The following DBN1 variants were observed in gnomAD, a reference collection of about 807,000 sequenced individuals.
DBN1 encodes the protein drebrin.
In DBN1, 21 loss-of-function variants were observed where a neutral mutation model predicts 83.5. That is an observed-to-expected ratio of 0.25 (90% CI 0.18 to 0.36). DBN1 has a LOEUF of 0.36. DBN1 is among the 10% of genes least tolerant of loss of function. The pLI is 1.00. For missense variants in DBN1, 874 were observed against 935.7 expected (o/e 0.93, Z 0.86); for synonymous variants, 381 against 384.9 (o/e 0.99, Z 0.12).
intron 1 of DBN1, 152 bp downstream of exon 1, chr5:177,473,284 C>T: frequency 2.6e-6 from 1 of 383,748 alleles, no homozygotes; most frequent in Non-Finnish European, 4.4e-6. Flanking sequence ...CCCCGGCGCG[C>T]ACAAAGGCAG....
chr5:177,460,528 G>A lies in DBN1; in HGVS notation c.859C>T (p.Pro287Ser), dbSNP rs1756947306. Residue 287 changes from proline (P) to serine (S), a missense_variant, in exon 10 of 15, where the codon CCT (proline) becomes TCT (serine). By Grantham distance (74) the Pro-to-Ser change is moderately conservative. Transcript: ENST00000393565. ...TTGAAGAACTCCCTTGGGTTGTCAG[G>A]CCGCTGGGCAATAATAGCTGCTGCC... ...EEAAAIIAQRPDNPREFFKQQ... is the reference protein window; with the variant it reads ...EEAAAIIAQRSDNPREFFKQQ... 6.2e-7 allele frequency: 1 copy of A among 1,614,074 alleles called. No individual in the cohort carries two copies.
chr5:177,457,935 TC>T, intron 13 of DBN1, 122 bp downstream of exon 13: 2 of 1,425,640 alleles, frequency 1.4e-6, no homozygotes, highest in Non-Finnish European at 2.0e-6. Context: ...GGGATGGACT[TC>T]CCCTCAAATA....
chr5:177,468,781 G>A (rs956036054), intron 2 of DBN1, 63 bp downstream of exon 2: 2 of 1,172,892 alleles, frequency 1.7e-6, no homozygotes, highest in African/African-American at 1.6e-5. Flanking sequence ...CAGGTGGGTG[G>A]GGAAGAAAAC....
At chr5:177,460,375 G>C in intron 10 of DBN1, 57 bp downstream of exon 10, 1 of 1,610,394 alleles carries the variant, frequency 6.2e-7, no homozygotes, top group Non-Finnish European at 8.5e-7. Context: ...GTCCCAGAGA[G>C]GCTCAGGGCC....
intron 8 of DBN1, among the ~76,000 whole-genome samples, chr5:177,465,187 C>T (rs1231966085): frequency 6.6e-6 from 1 of 152,132 alleles, no homozygotes; most frequent in East Asian, 1.9e-4. Flanking sequence ...TTTTAAAAAA[C>T]CTCACTCTGA....
Position 177,467,170 on chromosome 5 carries a change from C to T in DBN1, c.555+85G>A. ...CTGGGGGCGGGGCACGTGGCATGGG[C>T]CATGCCACTGCAGTGAGGGACTCAG... On this transcript the variant is annotated intron_variant, in intron 6 of 14. Transcript: ENST00000393565. The surrounding 1 kb of genome is among the most constrained non-coding windows in gnomAD (Gnocchi z 9.1). 1 of 1,606,028 alleles carries T rather than the reference C, an allele frequency of 6.2e-7. No homozygotes were observed. The highest frequency in any genetic ancestry group is 8.5e-7 in the Non-Finnish European group (1 of 1,173,640).
chr5:177,467,706 G>A lies in DBN1; in HGVS notation c.330+37C>T. ...CCCCAGCACGCAGACCCTGGTGGCT[G>A]TCCCCACCCCCAAGAGCGCTGGCCC... On this transcript the variant is annotated intron_variant, in intron 4 of 14. Transcript: ENST00000393565. This position sits in a 1 kb window ranked among gnomAD's most constrained non-coding sequence, Gnocchi z 9.1. 6.4e-7 allele frequency: 1 copy of A among 1,552,456 alleles called. No homozygotes were observed. Among genetic ancestry groups the A allele is most frequent in the Non-Finnish European group, 8.7e-7 (1 of 1,147,764 alleles).
At chr5:177,460,732 C>T (rs1756967502) in intron 8 of DBN1, 29 bp from the exon 9 acceptor site, 1 of 1,610,312 alleles carries the variant, frequency 6.2e-7, no homozygotes, top group Admixed American at 1.7e-5. Flanking sequence ...GTGTCTGGTG[C>T]ACCTACCCCC....
In DBN1 at chr5:177,467,347, G is replaced by A. The variant is rs754205461; in HGVS notation, c.478-15C>T. On this transcript the variant is annotated splice_polypyrimidine_tract_variant and intron_variant, in intron 5 of 14. Coordinates refer to ENST00000393565, the MANE Select transcript of DBN1 (RefSeq NM_001363541.2). This position sits in a 1 kb window ranked among gnomAD's most constrained non-coding sequence, Gnocchi z 9.1. ...TAGGTGGTGCCCTGCAGTGTCGAAG[G>A]ACCCAGCATAAGCAGGCTGAATGCC... is the stretch of plus-strand genomic sequence containing the variant. 3.1e-6 allele frequency: 5 copies of A among 1,613,994 alleles called. No individual in the cohort carries two copies. Among genetic ancestry groups the A allele is most frequent in the Non-Finnish European group, 3.4e-6 (4 of 1,179,990 alleles).
In DBN1 at chr5:177,463,658, T is replaced by C. The variant is rs1757204425; in HGVS notation, c.772-2955A>G. On this transcript the variant is annotated intron_variant, in intron 8 of 14. Transcript: ENST00000393565. Reference sequence around the variant, plus strand: ...AGGGTACCACACTGACCTGCTAGAATGTCCACTGTCACTCTCACGTGAACT... The same window carrying C: ...AGGGTACCACACTGACCTGCTAGAACGTCCACTGTCACTCTCACGTGAACT... Among the ~76,000 whole-genome samples the C allele has an allele frequency of 2.6e-5, 4 of 152,248 alleles. No individual in the cohort carries two copies. The South Asian group carries it at 8.3e-4, about 31-fold the overall frequency.
intron 1 of DBN1, among the ~76,000 whole-genome samples, chr5:177,470,109 C>T (rs1757737732): frequency 6.6e-6 from 1 of 152,188 alleles, no homozygotes; most frequent in Non-Finnish European, 1.5e-5. Flanking sequence ...AGCCCCTCCC[C>T]TTCCTGGATT....
At position 177,467,729 on chromosome 5, in the gene DBN1, C is replaced by T. The variant is rs1430963683; in HGVS notation, c.330+14G>A. ...CTGTCCCCACCCCCAAGAGCGCTGG[C>T]CCCTGACACGCACCTGGAAGAACTC... is the stretch of plus-strand genomic sequence containing the variant. On this transcript the variant is annotated intron_variant, in intron 4 of 14. Coordinates refer to ENST00000393565, the MANE Select transcript of DBN1 (RefSeq NM_001363541.2). The surrounding 1 kb of genome is among the most constrained non-coding windows in gnomAD (Gnocchi z 9.1). The T allele has an allele frequency of 6.4e-7, 1 of 1,552,750 alleles. No homozygotes were observed.
rs375024626 is a variant in DBN1 at position 177,457,648 on chromosome 5, G to A, written c.2017+7C>T. Reference sequence around the variant, plus strand: ...AAATTCCTCCCCATCATCCAGCCCAGTACTACCTGGAGGCTTGTTGTAGAA... The same window carrying A: ...AAATTCCTCCCCATCATCCAGCCCAATACTACCTGGAGGCTTGTTGTAGAA... On this transcript the variant is annotated splice_region_variant and intron_variant, in intron 14 of 14. Transcript: ENST00000393565. The A allele has an allele frequency of 1.6e-5, 26 of 1,585,794 alleles. No individual in the cohort carries two copies. The African/African-American group carries it at 2.8e-4, about 17-fold the overall frequency.
intron 2 of DBN1, 88 bp downstream of exon 2, chr5:177,468,756 G>T: frequency 1.2e-6 from 1 of 834,774 alleles, no homozygotes; most frequent in Non-Finnish European, 1.7e-6. Flanking sequence ...TGCAGGCAGG[G>T]AGGTGGCCTA....
In DBN1 at chr5:177,467,118, C is replaced by T. The variant is rs1581731346; in HGVS notation, c.556-56G>A. Reference sequence around the variant, plus strand: ...CCCGAGCCTAGGCGCCTGGACCCTGCCCCTCCAGCCCCTCCCTAACCCAGC... The same window carrying T: ...CCCGAGCCTAGGCGCCTGGACCCTGTCCCTCCAGCCCCTCCCTAACCCAGC... On this transcript the variant is annotated intron_variant, in intron 6 of 14. Transcript: ENST00000393565. This position sits in a 1 kb window ranked among gnomAD's most constrained non-coding sequence, Gnocchi z 9.1. 5 of 1,610,094 alleles carry T rather than the reference C, an allele frequency of 3.1e-6. No homozygotes were observed. Among genetic ancestry groups the T allele is most frequent in the Non-Finnish European group, 4.2e-6 (5 of 1,178,090 alleles).
intron 12 of DBN1, among the ~76,000 whole-genome samples, 194 bp downstream of exon 12, chr5:177,458,904 G>A (rs990797794): frequency 6.6e-6 from 1 of 152,210 alleles, no homozygotes; most frequent in African/African-American, 2.4e-5. Context: ...CCACTTGAGA[G>A]GGCGGGTGCT....
chr5:177,458,773 A>G, intron 12 of DBN1, 66 bp from the exon 13 acceptor site: 1 of 1,372,514 alleles, frequency 7.3e-7, no homozygotes, highest in Non-Finnish European at 9.6e-7. Flanking sequence ...GACCCTGCCC[A>G]CCCACTAAGG....
At chr5:177,472,130 G>A (rs771851548) in intron 1 of DBN1, 18 of 1,611,076 alleles carry the variant, frequency 1.1e-5, no homozygotes, top group South Asian at 4.4e-5. Context: ...TGCAGGACAC[G>A]AGAGCTTGTC....
Position 177,466,037 on chromosome 5 carries a change from A to G in DBN1, c.771+735T>C, listed in dbSNP as rs1757422671. 6.6e-6 allele frequency among the ~76,000 whole-genome samples: 1 copy of G among 151,974 alleles called. No individual in the cohort carries two copies. The highest frequency in any genetic ancestry group is 2.1e-4 in the South Asian group (1 of 4,814). On this transcript the variant is annotated intron_variant, in intron 8 of 14. Transcript: ENST00000393565. This position sits in a 1 kb window ranked among gnomAD's most constrained non-coding sequence, Gnocchi z 4.8. Reference sequence around the variant, plus strand: ...AGGGCAGATGTGACTGGAGTGACTTAATGCTGCTGCCTGCAGGACTGTCTT... The same window carrying G: ...AGGGCAGATGTGACTGGAGTGACTTGATGCTGCTGCCTGCAGGACTGTCTT...
Sources: gnomAD v4.1 joint callset for allele counts (sites outside exome capture counted in the v4.1 genomes callset) on GRCh38, gnomAD v4.1.1 for gene constraint, Gnocchi (gnomAD v3.1) non-coding constraint, MANE v1.5 for transcripts, NCBI Gene and HGNC (gene_info 2026-07-23, HGNC 2026-07-21) for gene names.